STK3: variants seen among roughly 807,000 people sequenced by gnomAD.
STK3 encodes serine/threonine kinase 3, also known as serine/threonine-protein kinase 3.
Under a neutral mutation model 58.0 loss-of-function variants are expected in STK3, and 41 were observed. That is an observed-to-expected ratio of 0.71 (90% CI 0.55 to 0.92). The LOEUF is 0.92. STK3 is among the 40% of genes least tolerant of loss of function. The pLI, the probability that STK3 is intolerant of heterozygous loss-of-function variation, is 0.00. For missense variants in STK3, 479 were observed against 602.7 expected (o/e 0.79, Z 2.15); for synonymous variants, 170 against 191.0 (o/e 0.89, Z 0.91).
intron 4 of STK3, among the ~76,000 whole-genome samples, chr8:98,745,514 G>A (rs141967613): frequency 9.2e-5 from 14 of 152,204 alleles, no homozygotes; most frequent in Non-Finnish European, 1.6e-4. Flanking sequence ...AAAAGTCTAT[G>A]TTAAGGCTAA....
intron 10 of STK3, among the ~76,000 whole-genome samples, chr8:98,457,099 TAAG>T (rs1819551449): frequency 6.6e-6 from 1 of 152,238 alleles, no homozygotes. Context: ...CTTCGGTGCA[TAAG>T]AAGTTCTGGT....
chr8:98,428,580 A>G lies in STK3; in HGVS notation n.483+5547T>C. 6.2e-7 allele frequency: 1 copy of G among 1,614,106 alleles called. No individual in the cohort carries two copies. The highest frequency in any genetic ancestry group is 8.5e-7 in the Non-Finnish European group (1 of 1,180,014). On this transcript the variant is annotated intron_variant and non_coding_transcript_variant, in intron 3 of 3. Transcript: ENST00000517832. This position sits in a 1 kb window ranked among gnomAD's most constrained non-coding sequence, Gnocchi z 6.7. ...GTCCATCCTGGTGGTGATGGGGTCC[A>G]TCATCACCATGTGCCTCAATAGCCT...
chr8:98,773,673 C>T (rs948583855), intron 2 of STK3, among the ~76,000 whole-genome samples: 7 of 151,972 alleles, frequency 4.6e-5, no homozygotes, highest in East Asian at 1.9e-4. Context: ...AGGTAGATTT[C>T]GCATGTTCAT....
intron 1 of STK3, among the ~76,000 whole-genome samples, chr8:98,387,538 C>G (rs1489343620): frequency 1.3e-5 from 2 of 152,178 alleles, no homozygotes; most frequent in African/African-American, 4.8e-5. Context: ...CACCTGAGGT[C>G]GGGAGTTGGA....
chr8:98,402,760 ACT>A (rs1206763133), intron 3 of STK3, among the ~76,000 whole-genome samples: 2 of 151,940 alleles, frequency 1.3e-5, no homozygotes, highest in East Asian at 3.9e-4. Flanking sequence ...CCTAGAAGAG[ACT>A]CTGCCAGGTG....
chr8:98,878,249 C>T (rs1057266940), intron 3 of STK3, among the ~76,000 whole-genome samples: 5 of 152,024 alleles, frequency 3.3e-5, no homozygotes, highest in South Asian at 2.1e-4. Context: ...GACTGGGTTT[C>T]CCCATGTTGG....
chr8:98,824,828 T>C (rs1347925976), intron 1 of STK3, among the ~76,000 whole-genome samples: 3 of 152,212 alleles, frequency 2.0e-5, no homozygotes, highest in African/African-American at 7.2e-5. Flanking sequence ...AAGTTAAAAA[T>C]GAAAGACTGA....
At chr8:98,853,128 A>G (rs554689096) in intron 3 of STK3, among the ~76,000 whole-genome samples, 2 of 152,164 alleles carry the variant, frequency 1.3e-5, no homozygotes, top group East Asian at 3.9e-4. Context: ...AATTTTTCCT[A>G]GGGTATCACT....
At chr8:98,782,358 CAA>C (rs1241218885) in intron 1 of STK3, 6 of 193,566 alleles carry the variant, frequency 3.1e-5, no homozygotes. Context: ...ATCAGCTGCT[CAA>C]AGATACTGTG....
chr8:98,546,047 G>A (rs1810670566), intron 9 of STK3, among the ~76,000 whole-genome samples: 1 of 152,038 alleles, frequency 6.6e-6, no homozygotes, highest in Non-Finnish European at 1.5e-5. Context: ...TGTCTAACTT[G>A]TAAAAACAAA....
At chr8:98,366,818 A>T (rs889010725), downstream of STK3, among the ~76,000 whole-genome samples, 3 of 151,768 alleles carry the variant, frequency 2.0e-5, no homozygotes, top group Non-Finnish European at 4.4e-5. Flanking sequence ...TGCCCCACAC[A>T]CGTCTACTAG....
the STK3 span, among the ~76,000 whole-genome samples, chr8:98,344,071 C>T: frequency 6.6e-6 from 1 of 152,282 alleles, no homozygotes; most frequent in South Asian, 2.1e-4. Context: ...AGGATGGTTA[C>T]TAAAATTACT....
chr8:98,573,199 T>C (rs771955045), intron 8 of STK3, among the ~76,000 whole-genome samples: 7 of 152,118 alleles, frequency 4.6e-5, no homozygotes, highest in Non-Finnish European at 7.3e-5. Context: ...GAAAAGGAGA[T>C]TCTTATGTGG....
chr8:98,759,094 C>G (rs543585543), intron 3 of STK3, among the ~76,000 whole-genome samples: 1 of 152,338 alleles, frequency 6.6e-6, no homozygotes, highest in Admixed American at 6.5e-5. Flanking sequence ...AGTAGCACTT[C>G]TAATTTCCTT....
At chr8:98,838,543 G>T (rs1835836597) in intron 3 of STK3, among the ~76,000 whole-genome samples, 4 of 152,152 alleles carry the variant, frequency 2.6e-5, no homozygotes, top group Admixed American at 2.6e-4. Context: ...AAAGAGGAGA[G>T]GTAGATGCTT....
intron 3 of STK3, among the ~76,000 whole-genome samples, chr8:98,766,900 A>G (rs1196690420): frequency 6.6e-6 from 1 of 152,210 alleles, no homozygotes. Context: ...AGGCGGGTGG[A>G]TCACCTGAGG....
chr8:98,416,187 G>A (rs140006543), intron 3 of STK3, among the ~76,000 whole-genome samples: 64 of 152,296 alleles, frequency 4.2e-4, no homozygotes, highest in African/African-American at 1.3e-3. Flanking sequence ...ACTTAAGAGG[G>A]GCCAGGGAAA....
intron 3 of STK3, among the ~76,000 whole-genome samples, chr8:98,414,263 C>CA (rs1466438933): frequency 6.6e-6 from 1 of 151,654 alleles, no homozygotes; most frequent in Non-Finnish European, 1.5e-5. Context: ...GACTCTGTCT[C>CA]AAAAAAATAA....
chr8:98,456,606 T>C (rs1329540903), intron 10 of STK3, among the ~76,000 whole-genome samples: 5 of 152,094 alleles, frequency 3.3e-5, no homozygotes, highest in Non-Finnish European at 7.4e-5. Flanking sequence ...GTAATCCAGA[T>C]TTGGTTTTCT....
Sources: allele counts gnomAD v4.1 joint callset (sites outside exome capture counted in the v4.1 genomes callset), GRCh38; gene constraint gnomAD v4.1.1; non-coding constraint Gnocchi (gnomAD v3.1); transcripts MANE v1.5; gene names NCBI Gene and HGNC (gene_info 2026-07-23, HGNC 2026-07-21).